Variants in WDR70 observed in about 807,000 individuals in gnomAD.
The protein encoded by WDR70 is WD repeat domain 70.
Under a neutral mutation model 88.6 loss-of-function variants are expected in WDR70, and 53 were observed. The ratio of observed to expected loss-of-function variants is 0.60; its 90% confidence interval spans 0.48 to 0.75. The LOEUF is 0.75. Among genes scored for constraint, WDR70 ranks in the 30% least tolerant of loss-of-function variants. The pLI is 0.00. For missense variants in WDR70, 610 were observed against 823.2 expected (o/e 0.74, Z 3.17); for synonymous variants, 280 against 270.0 (o/e 1.04, Z -0.36).
At chr5:37,560,060 C>T (rs575689238) in intron 9 of WDR70, among the ~76,000 whole-genome samples, 1 of 151,872 alleles carries the variant, frequency 6.6e-6, no homozygotes, top group Admixed American at 6.6e-5. Flanking sequence ...TTTTTGATAG[C>T]AGAATAAAAT....
rs146653267 is a variant in WDR70, at chr5:37,439,935, T to C, written c.552+1954T>C. ...TTTCTGAATGTGCACACGTACACTC[T>C]TTCTGAATGTGCACACATACACTCT... On this transcript the variant is annotated intron_variant, in intron 6 of 17. Coordinates refer to ENST00000265107, the MANE Select transcript of WDR70 (RefSeq NM_018034.4). Among the ~76,000 whole-genome samples the C allele has an allele frequency of 2.7e-3, 405 of 152,188 alleles. 1 individual carries two copies. The highest frequency in any genetic ancestry group is 5.6e-3 in the Admixed American group (86 of 15,284).
At chr5:37,563,534 G>A (rs1742609159) in intron 9 of WDR70, among the ~76,000 whole-genome samples, 1 of 65,010 alleles carries the variant, frequency 1.5e-5, no homozygotes, top group Non-Finnish European at 3.7e-5. Flanking sequence ...CTCCCGGATG[G>A]GGCGGCTGGC....
At chr5:37,670,868 T>C (rs11747548) in intron 10 of WDR70, among the ~76,000 whole-genome samples, 37,521 of 152,162 alleles carry the variant, frequency 0.25, 5,044 homozygotes, top group East Asian at 0.36. Context: ...CGCCAGTGGC[T>C]GGGACAATAT....
At chr5:37,546,742 A>T (rs1434199156) in intron 9 of WDR70, among the ~76,000 whole-genome samples, 1 of 152,078 alleles carries the variant, frequency 6.6e-6, no homozygotes, top group Non-Finnish European at 1.5e-5. Context: ...AACATAGTGA[A>T]ACCCCGTCTC....
intron 17 of WDR70, among the ~76,000 whole-genome samples, chr5:37,742,678 CTA>C (rs1183516981): frequency 6.6e-6 from 1 of 152,042 alleles, no homozygotes; most frequent in Non-Finnish European, 1.5e-5. Flanking sequence ...GTGTTTTCTT[CTA>C]TGAGTTATAT....
intron 9 of WDR70, among the ~76,000 whole-genome samples, chr5:37,564,369 A>T (rs990875014): frequency 3.3e-5 from 5 of 152,244 alleles, no homozygotes; most frequent in African/African-American, 1.2e-4. Context: ...ACCAAAAAAA[A>T]TACGAAAACC....
At chr5:37,557,789 C>A (rs62359036) in intron 9 of WDR70, among the ~76,000 whole-genome samples, 60,378 of 143,006 alleles carry the variant, frequency 0.42, 13,995 homozygotes, top group Non-Finnish European at 0.53. Flanking sequence ...TATTTCATGG[C>A]TAATCCATAC....
chr5:37,447,487 C>T (rs536274943), intron 7 of WDR70, among the ~76,000 whole-genome samples: 1 of 152,260 alleles, frequency 6.6e-6, no homozygotes, highest in South Asian at 2.1e-4. Flanking sequence ...CAAATGCACA[C>T]GTATGTTTAT....
chr5:37,427,216 C>T (rs1318986717), intron 5 of WDR70, among the ~76,000 whole-genome samples: 2 of 151,922 alleles, frequency 1.3e-5, no homozygotes, highest in Non-Finnish European at 2.9e-5. Flanking sequence ...GGTGAAACCC[C>T]GTCTCTACTA....
chr5:37,595,967 C>T (rs571342184), intron 9 of WDR70, among the ~76,000 whole-genome samples: 2 of 151,854 alleles, frequency 1.3e-5, no homozygotes, highest in South Asian at 4.2e-4. Context: ...TTTGAATAGC[C>T]AGCGCTTTCT....
At chr5:37,645,859 CT>C (rs1247768223) in intron 10 of WDR70, among the ~76,000 whole-genome samples, 1 of 151,914 alleles carries the variant, frequency 6.6e-6, no homozygotes, top group Non-Finnish European at 1.5e-5. Context: ...CTATGTGTGT[CT>C]TTGTGGATGA....
intron 10 of WDR70, among the ~76,000 whole-genome samples, chr5:37,640,175 CAG>C (rs1395142937): frequency 6.6e-6 from 1 of 152,118 alleles, no homozygotes; most frequent in East Asian, 1.9e-4. Flanking sequence ...ACACAGCTTA[CAG>C]AGAATTACCA....
At chr5:37,623,985 G>A (rs1014941306) in intron 10 of WDR70, among the ~76,000 whole-genome samples, 2 of 152,050 alleles carry the variant, frequency 1.3e-5, no homozygotes, top group African/African-American at 2.4e-5. Flanking sequence ...TACATATAAT[G>A]TATAGTGATC....
At chr5:37,559,164 C>T (rs1038098526) in intron 9 of WDR70, among the ~76,000 whole-genome samples, 6 of 152,168 alleles carry the variant, frequency 3.9e-5, no homozygotes, top group African/African-American at 1.2e-4. Flanking sequence ...GAACTCCTGA[C>T]CTTGTAACCT....
intron 8 of WDR70, among the ~76,000 whole-genome samples, chr5:37,493,360 G>T (rs972330685): frequency 6.6e-6 from 1 of 152,074 alleles, no homozygotes; most frequent in Non-Finnish European, 1.5e-5. Flanking sequence ...CATCTTCAGG[G>T]TCAGCAAAGG....
intron 3 of WDR70, among the ~76,000 whole-genome samples, chr5:37,383,538 A>G (rs548357554): frequency 9.9e-4 from 150 of 152,070 alleles, no homozygotes; most frequent in African/African-American, 3.3e-3. Context: ...CTGGGATTAC[A>G]GGTGTGAACC....
intron 9 of WDR70, among the ~76,000 whole-genome samples, chr5:37,574,763 A>G (rs1743007486): frequency 6.6e-6 from 1 of 152,192 alleles, no homozygotes; most frequent in Admixed American, 6.5e-5. Context: ...ATTTCTATAA[A>G]CAACACTGCA....
chr5:37,586,641 A>G lies in WDR70; in HGVS notation c.918-18423A>G, dbSNP rs1358267626. Among the ~76,000 whole-genome samples the G allele has an allele frequency of 4.7e-5, 7 of 149,034 alleles. No individual in the cohort carries two copies. The East Asian group carries it at 8.0e-4, about 17-fold the overall frequency. ...TGTTCTCATTGTTCAACTCCCGCTT[A>G]TGAGTGAGAACATGCACACACCTTC... On this transcript the variant is annotated intron_variant, in intron 9 of 17. Transcript: ENST00000265107.
intron 6 of WDR70, among the ~76,000 whole-genome samples, chr5:37,439,036 G>A (rs1750570607): frequency 6.6e-6 from 1 of 151,746 alleles, no homozygotes; most frequent in African/African-American, 2.4e-5. Context: ...TCCTGCCTCA[G>A]CCTCCTGAGT....
Sources: gnomAD v4.1 joint callset for allele counts (sites outside exome capture counted in the v4.1 genomes callset) on GRCh38, gnomAD v4.1.1 for gene constraint, MANE v1.5 for transcripts, NCBI Gene and HGNC (gene_info 2026-07-23, HGNC 2026-07-21) for gene names.